The following IL1RAPL2 variants were observed in gnomAD, a reference collection of about 807,000 sequenced individuals.
IL1RAPL2 encodes interleukin 1 receptor accessory protein like 2, also known as X-linked interleukin-1 receptor accessory protein-like 2.
Under a neutral mutation model 44.1 loss-of-function variants are expected in IL1RAPL2, and 3 were observed. The ratio of observed to expected loss-of-function variants is 0.07; its 90% CI spans 0.03 to 0.18. IL1RAPL2 has a LOEUF of 0.18. IL1RAPL2 is among the 10% of genes least tolerant of loss of function. The probability of loss-of-function intolerance (pLI) is 1.00; values close to 1 mark genes in which losing one functional copy is unlikely to be tolerated. For missense variants in IL1RAPL2, 391 were observed against 496.4 expected, an observed-to-expected ratio of 0.79 and a Z score of 2.02; for synonymous variants, 181 against 178.8, an observed-to-expected ratio of 1.01 and a Z score of -0.10.
At chrX:104,901,831 C>T (rs1315838904) in intron 2 of IL1RAPL2, among the ~76,000 whole-genome samples, 1 of 111,750 alleles carries the variant, frequency 8.9e-6, no homozygotes, top group African/African-American at 3.2e-5. Context: ...AGGTCATCGT[C>T]ATTGTGAGGA....
intron 2 of IL1RAPL2, among the ~76,000 whole-genome samples, chrX:104,935,798 G>A (rs1013797679): frequency 2.7e-5 from 3 of 111,508 alleles, no homozygotes; most frequent in Non-Finnish European, 5.6e-5. Flanking sequence ...GATCTTACAG[G>A]ATCTCAGTTC....
Position 105,479,755 on chromosome X carries a change from TAATAAAATAAAATAA to T in IL1RAPL2, c.698-4543_698-4529del, listed in dbSNP as rs749634925. The stretch of plus-strand genomic sequence containing the variant: ...ACTACATCTCAAAAAATAAATAAAA[TAATAAAATAAAATAA>T]AATAAAATAAAATATAAAATAAATA... On this transcript the variant is annotated intron_variant, in intron 5 of 10. Transcript: ENST00000372582. Among the ~76,000 whole-genome samples the T allele has an allele frequency of 4.7e-5, 5 of 105,399 alleles. No homozygotes were observed. The East Asian group carries it at 1.2e-3, about 25-fold the overall frequency. 91.5% of individuals were successfully genotyped at this position (105,399 alleles called of 115,157 possible). A position where few individuals can be genotyped will look rare whatever the true frequency, so the allele number is the denominator to read the frequency against.
chrX:104,952,134 G>T lies in IL1RAPL2; in HGVS notation c.83-243341G>T, dbSNP rs576027955. ...GCCCTGATGCAAAATTATTGGTGGG[G>T]CATATATTGGCTGTGGTTTTTCAGC... On this transcript the variant is annotated intron_variant, in intron 2 of 10. Coordinates refer to ENST00000372582, the MANE Select transcript of IL1RAPL2 (RefSeq NM_017416.2). Among the ~76,000 whole-genome samples, 65 of 112,013 alleles carry T rather than the reference G, an allele frequency of 5.8e-4. 1 individual carries two copies. The highest frequency in any genetic ancestry group is 4.6e-3 in the Middle Eastern group (1 of 217).
chrX:105,348,516 T>A (rs2035128129), intron 5 of IL1RAPL2, among the ~76,000 whole-genome samples: 1 of 111,864 alleles, frequency 8.9e-6, no homozygotes, highest in Non-Finnish European at 1.9e-5. Flanking sequence ...CTATTATTAT[T>A]ACTATTCTCA....
At chrX:104,818,491 G>T (rs1049681140) in intron 2 of IL1RAPL2, among the ~76,000 whole-genome samples, 1 of 109,897 alleles carries the variant, frequency 9.1e-6, no homozygotes, top group Admixed American at 9.8e-5. Flanking sequence ...AATTTAGAAA[G>T]AGAAGGGAGG....
In IL1RAPL2 at chrX:105,336,431, C is replaced by A. The variant is rs2035029153; in HGVS notation, c.697+68890C>A. On this transcript the variant is annotated intron_variant, in intron 5 of 10. Coordinates refer to ENST00000372582, the MANE Select transcript of IL1RAPL2 (RefSeq NM_017416.2). ...TATTGTATGCCTACTATGTGCCAAGCACTTTGATAGGCTCTCAAGTTTGTG... is the reference window on the plus strand; with the variant it reads ...TATTGTATGCCTACTATGTGCCAAGAACTTTGATAGGCTCTCAAGTTTGTG... Among the ~76,000 whole-genome samples, 3 of 112,628 alleles carry A rather than the reference C, an allele frequency of 2.7e-5. No individual in the cohort carries two copies. The South Asian group carries it at 1.1e-3, about 41-fold the overall frequency.
intron 5 of IL1RAPL2, among the ~76,000 whole-genome samples, chrX:105,347,673 C>T (rs970401224): frequency 1.8e-5 from 2 of 110,128 alleles, no homozygotes; most frequent in African/African-American, 6.6e-5. Flanking sequence ...ACCTCTAGGC[C>T]ACAGTTTCTC....
At chrX:105,247,864 T>TA (rs2034235340) in intron 4 of IL1RAPL2, among the ~76,000 whole-genome samples, 1 of 110,341 alleles carries the variant, frequency 9.1e-6, no homozygotes, top group Non-Finnish European at 1.9e-5. Flanking sequence ...CATACATATA[T>TA]AAAACACATT....
intron 5 of IL1RAPL2, among the ~76,000 whole-genome samples, chrX:105,397,241 A>G (rs1224184619): frequency 9.0e-6 from 1 of 110,746 alleles, no homozygotes; most frequent in Non-Finnish European, 1.9e-5. Context: ...GAAATAAACT[A>G]CCTAATAAAT....
intron 2 of IL1RAPL2, among the ~76,000 whole-genome samples, chrX:104,999,657 C>T (rs901162121): frequency 1.8e-5 from 2 of 111,487 alleles, no homozygotes; most frequent in African/African-American, 6.5e-5. Context: ...TTCCAGTATG[C>T]GTGGGTGTTA....
At chrX:105,312,106 A>T (rs1161076911) in intron 5 of IL1RAPL2, among the ~76,000 whole-genome samples, 1 of 111,721 alleles carries the variant, frequency 9.0e-6, no homozygotes, top group Non-Finnish European at 1.9e-5. Context: ...AATCTTAGTT[A>T]TTCCCTTAAT....
At chrX:105,075,575 T>G (rs1372255429) in intron 2 of IL1RAPL2, among the ~76,000 whole-genome samples, 4 of 111,909 alleles carry the variant, frequency 3.6e-5, no homozygotes, top group African/African-American at 1.3e-4. Flanking sequence ...TTAGGGAGGA[T>G]TCCCTCTTTT....
intron 2 of IL1RAPL2, among the ~76,000 whole-genome samples, chrX:105,107,903 C>T (rs2147563590): frequency 9.0e-6 from 1 of 111,406 alleles, no homozygotes; most frequent in African/African-American, 3.3e-5. Context: ...GCCACTCTGT[C>T]TTCCTTGATA....
intron 1 of IL1RAPL2, among the ~76,000 whole-genome samples, chrX:104,624,089 T>A (rs1602648773): frequency 1.8e-5 from 2 of 111,885 alleles, no homozygotes; most frequent in East Asian, 5.6e-4. Flanking sequence ...GTCAAAACAC[T>A]GTAAATAGTC....
chrX:105,167,272 C>T (rs754005798), intron 2 of IL1RAPL2, among the ~76,000 whole-genome samples: 7 of 112,292 alleles, frequency 6.2e-5, no homozygotes, highest in Admixed American at 1.9e-4. Flanking sequence ...CATTTTATGA[C>T]CAACAATTTT....
intron 2 of IL1RAPL2, among the ~76,000 whole-genome samples, chrX:104,943,742 G>A (rs966112740): frequency 9.0e-6 from 1 of 111,312 alleles, no homozygotes; most frequent in Non-Finnish European, 1.9e-5. Context: ...TTTTGTTTCT[G>A]TAAAACCACT....
intron 1 of IL1RAPL2, among the ~76,000 whole-genome samples, chrX:104,643,562 A>G (rs1602659093): frequency 1.8e-5 from 2 of 111,143 alleles, no homozygotes; most frequent in East Asian, 5.7e-4. Flanking sequence ...GGAAAATATC[A>G]TTTTTTTCAC....
At chrX:104,899,806 A>T (rs1465967761) in intron 2 of IL1RAPL2, among the ~76,000 whole-genome samples, 1 of 111,770 alleles carries the variant, frequency 8.9e-6, no homozygotes, top group Non-Finnish European at 1.9e-5. Context: ...CTTATGTTTT[A>T]CTGTGTTCAA....
intron 2 of IL1RAPL2, among the ~76,000 whole-genome samples, chrX:104,676,531 C>T (rs1444592678): frequency 2.7e-5 from 3 of 111,877 alleles, no homozygotes; most frequent in Non-Finnish European, 1.9e-5. Context: ...CTGCCCTTAA[C>T]ATTTTTTCCT....
Sources: gnomAD v4.1 joint callset for allele counts (sites outside exome capture counted in the v4.1 genomes callset) on GRCh38, gnomAD v4.1.1 for gene constraint, MANE v1.5 for transcripts, NCBI Gene and HGNC (gene_info 2026-07-23, HGNC 2026-07-21) for gene names.